The following SNTG1 variants were observed in gnomAD, a reference collection of about 807,000 sequenced individuals.
SNTG1 encodes the protein gamma-1-syntrophin.
In SNTG1, 39 loss-of-function variants were observed where a neutral mutation model predicts 74.7. The observed-to-expected ratio is 0.52, with a 90% confidence interval of 0.40 to 0.68. The LOEUF (loss-of-function observed/expected upper bound fraction) is 0.68, where lower values mean the gene tolerates loss of function less well. Among genes scored for constraint, SNTG1 ranks in the 30% least tolerant of loss-of-function variants. The pLI is 0.00. For synonymous variants in SNTG1, 254 were observed against 217.1 expected, an observed-to-expected ratio of 1.17 and a Z score of -1.49; for missense variants, 685 against 609.5, an observed-to-expected ratio of 1.12 and a Z score of -1.30.
intron 11 of SNTG1, among the ~76,000 whole-genome samples, chr8:50,548,983 C>G (rs1280127049): frequency 6.6e-6 from 1 of 152,096 alleles, no homozygotes; most frequent in Non-Finnish European, 1.5e-5. Flanking sequence ...TGTTAACTGA[C>G]TTGCAAGGAC....
At chr8:50,750,202 G>T (rs1282792186) in intron 17 of SNTG1, among the ~76,000 whole-genome samples, 1 of 151,984 alleles carries the variant, frequency 6.6e-6, no homozygotes, top group Non-Finnish European at 1.5e-5. Context: ...AAATGCAAAT[G>T]CCATGGAAAT....
At chr8:50,273,090 CT>C (rs959033472) in intron 2 of SNTG1, among the ~76,000 whole-genome samples, 4 of 151,966 alleles carry the variant, frequency 2.6e-5, no homozygotes, top group African/African-American at 9.7e-5. Flanking sequence ...AAATAGTTAT[CT>C]GAAATTGTCT....
At position 50,590,932 on chromosome 8, in the gene SNTG1, T is replaced by C; in HGVS notation, c.849+15T>C. 6.5e-7 allele frequency: 1 copy of C among 1,541,738 alleles called. No individual in the cohort carries two copies. Among genetic ancestry groups the C allele is most frequent in the Non-Finnish European group, 8.8e-7 (1 of 1,138,568 alleles). ...TAAACCAGCAGGTAAGATCAAAGCA[T>C]ACTTGGAAAGCTAAATAATATATTT... On this transcript the variant is annotated intron_variant, in intron 13 of 18. Transcript: ENST00000642720.
intron 11 of SNTG1, among the ~76,000 whole-genome samples, chr8:50,546,582 T>TA (rs898208349): frequency 5.5e-5 from 8 of 145,804 alleles, no homozygotes; most frequent in Admixed American, 3.4e-4. Flanking sequence ...CTTTCCTGTG[T>TA]AAATGTGTTC....
At chr8:50,642,544 G>A (rs987763925) in intron 13 of SNTG1, among the ~76,000 whole-genome samples, 15 of 152,016 alleles carry the variant, frequency 9.9e-5, no homozygotes, top group African/African-American at 3.4e-4. Flanking sequence ...TAACCATAAT[G>A]GACTCATCAT....
At chr8:50,092,555 T>C (rs2079778572) in intron 1 of SNTG1, among the ~76,000 whole-genome samples, 1 of 152,170 alleles carries the variant, frequency 6.6e-6, no homozygotes, top group Non-Finnish European at 1.5e-5. Context: ...CCTGATATCC[T>C]TGCTGAACTT....
intron 18 of SNTG1, among the ~76,000 whole-genome samples, chr8:50,756,586 C>G (rs6985321): frequency 0.44 from 66,022 of 151,434 alleles, 16,604 homozygotes; most frequent in African/African-American, 0.7. Flanking sequence ...GTATTTATGT[C>G]GGCCTATTTC....
intron 2 of SNTG1, among the ~76,000 whole-genome samples, chr8:50,201,346 A>C (rs1194440723): frequency 6.6e-6 from 1 of 152,172 alleles, no homozygotes; most frequent in Non-Finnish European, 1.5e-5. Context: ...AAACTGTTTT[A>C]GATTTAAAGA....
At chr8:50,255,194 C>T (rs868633346) in intron 2 of SNTG1, among the ~76,000 whole-genome samples, 7 of 152,158 alleles carry the variant, frequency 4.6e-5, no homozygotes, top group Middle Eastern at 6.8e-3. Context: ...TATTTCTTAT[C>T]AGGGTCACTT....
chr8:50,199,757 A>C (rs1445561155), intron 2 of SNTG1, among the ~76,000 whole-genome samples: 1 of 152,188 alleles, frequency 6.6e-6, no homozygotes, highest in Non-Finnish European at 1.5e-5. Context: ...CGAGTCAGCC[A>C]ACAGCTGTTC....
In SNTG1 at chr8:50,501,657, C is replaced by T. The variant is rs1802102841; in HGVS notation, c.364-1121C>T. Among the ~76,000 whole-genome samples the T allele has an allele frequency of 5.3e-5, 8 of 150,018 alleles. No individual in the cohort carries two copies. The South Asian group carries it at 1.7e-3, about 32-fold the overall frequency. ...ATTTTTAGCAGAGACGGGGTTTCAC[C>T]ATTTTGGCTAGGCTGGTCTCGAACT... On this transcript the variant is annotated intron_variant, in intron 8 of 18. Transcript: ENST00000642720.
chr8:50,344,612 G>A (rs542719314), intron 2 of SNTG1, among the ~76,000 whole-genome samples: 4 of 152,220 alleles, frequency 2.6e-5, no homozygotes, highest in African/African-American at 4.8e-5. Context: ...CAACTTAATG[G>A]CAGTCTTCCC....
At position 49,920,351 on chromosome 8, in the gene SNTG1, T is replaced by C. The variant is rs16913889; in HGVS notation, c.-103+8120T>C. On this transcript the variant is annotated intron_variant, in intron 1 of 18. Transcript: ENST00000642720. ...ACAGCAGGACTAGGAAGCTGACTTTTTCATTCCTGTTTTGCAAATGGGACA... is the reference window on the plus strand; with the variant it reads ...ACAGCAGGACTAGGAAGCTGACTTTCTCATTCCTGTTTTGCAAATGGGACA... 5.4e-3 allele frequency among the ~76,000 whole-genome samples: 820 copies of C among 152,162 alleles called. 11 individuals carry two copies. Among genetic ancestry groups the C allele is most frequent in the African/African-American group, 0.019 (777 of 41,542 alleles).
At chr8:50,132,851 A>G (rs2081358804) in intron 1 of SNTG1, among the ~76,000 whole-genome samples, 2 of 152,152 alleles carry the variant, frequency 1.3e-5, no homozygotes, top group Non-Finnish European at 2.9e-5. Flanking sequence ...ATTGTCCCCC[A>G]CAGATCATTC....
At chr8:50,109,233 G>T (rs1221349496) in intron 1 of SNTG1, among the ~76,000 whole-genome samples, 1 of 152,124 alleles carries the variant, frequency 6.6e-6, no homozygotes, top group Non-Finnish European at 1.5e-5. Flanking sequence ...CAAAAGACAG[G>T]ACAGCCTGAC....
At chr8:50,190,068 A>G (rs991770741) in intron 2 of SNTG1, among the ~76,000 whole-genome samples, 1 of 152,052 alleles carries the variant, frequency 6.6e-6, no homozygotes, top group African/African-American at 2.4e-5. Flanking sequence ...TCATTTATTA[A>G]TCCATTAAAC....
intron 2 of SNTG1, among the ~76,000 whole-genome samples, chr8:50,369,762 G>A (rs189641560): frequency 3.3e-5 from 5 of 152,250 alleles, no homozygotes; most frequent in African/African-American, 7.2e-5. Context: ...CCAGAACTGT[G>A]AGTGATACAT....
At chr8:49,951,799 TA>T (rs1362945293) in intron 1 of SNTG1, among the ~76,000 whole-genome samples, 1 of 140,238 alleles carries the variant, frequency 7.1e-6, no homozygotes, top group Non-Finnish European at 1.5e-5. Context: ...AATTAAAAAT[TA>T]TATGATGTAT....
chr8:50,045,212 G>A (rs564890188), intron 1 of SNTG1, among the ~76,000 whole-genome samples: 2 of 152,136 alleles, frequency 1.3e-5, no homozygotes, highest in Non-Finnish European at 2.9e-5. Context: ...AATACTTGTG[G>A]CTGGGTAATA....
Sources: allele counts gnomAD v4.1 joint callset (sites outside exome capture counted in the v4.1 genomes callset), GRCh38; gene constraint gnomAD v4.1.1; transcripts MANE v1.5; gene names NCBI Gene and HGNC (gene_info 2026-07-23, HGNC 2026-07-21).